The following SRSF6 variants were observed in gnomAD, a reference collection of about 807,000 sequenced individuals.
The protein encoded by SRSF6 is serine and arginine rich splicing factor 6.
In SRSF6, 17 loss-of-function variants were observed where a neutral mutation model predicts 42.0. The ratio of observed to expected loss-of-function variants is 0.40; its 90% confidence interval spans 0.28 to 0.61. SRSF6 has a LOEUF of 0.61. Ranked by LOEUF, SRSF6 falls within the 20% of genes least tolerant of loss-of-function variation. The pLI is 0.37. For synonymous variants in SRSF6, 204 were observed against 166.7 expected, an observed-to-expected ratio of 1.22 and a Z score of -1.72; for missense variants, 379 against 471.4, an observed-to-expected ratio of 0.80 and a Z score of 1.81.
intron 3 of SRSF6, 55 bp downstream of exon 3, chr20:43,459,950 C>T (rs1385993198): frequency 2.5e-6 from 4 of 1,602,274 alleles, no homozygotes; most frequent in Non-Finnish European, 3.4e-6. Flanking sequence ...AAAGTAAACT[C>T]CTTTTATATT....
intron 2 of SRSF6, among the ~76,000 whole-genome samples, chr20:43,458,848 G>A (rs1358378312): frequency 1.5e-5 from 2 of 135,956 alleles, no homozygotes; most frequent in South Asian, 2.4e-4. Context: ...TTAGTTAGAG[G>A]TTCGGGGGCA....
At chr20:43,458,551 G>GGGGGCGGGGGTGGGT in intron 2 of SRSF6, 42 bp downstream of exon 2, 2 of 1,445,466 alleles carry the variant, frequency 1.4e-6, no homozygotes, top group Non-Finnish European at 1.8e-6. Flanking sequence ...TGGGGACCCT[G>GGGGGCGGGGGTGGGT]GGGGCGGGGG....
rs913547815 is a variant in SRSF6, at chr20:43,460,960, A to G, written c.932A>G (p.Lys311Arg). 5 of 1,614,032 alleles carry G rather than the reference A, an allele frequency of 3.1e-6. No homozygotes were observed. Among genetic ancestry groups the G allele is most frequent in the Non-Finnish European group, 4.2e-6 (5 of 1,180,028 alleles). The change falls in exon 6 of 6, where the codon AAG becomes AGG. Residue 311 changes from lysine to arginine, a missense_variant. This residue lies in a region of SRSF6 where 219 missense variants were observed against 216.1 expected (regional missense o/e 1.01). Transcript: ENST00000244020. ...SNSPLPVPPSKARSVSPPPKR... is the reference protein window; with the variant it reads ...SNSPLPVPPSRARSVSPPPKR... ...TCGCCGCTACCTGTTCCACCCTCAA[A>G]GGCCCGTTCTGTGTCCCCTCCACCA...
intron 2 of SRSF6, chr20:43,459,036 G>A: frequency 3.5e-6 from 3 of 853,860 alleles, no homozygotes; most frequent in Non-Finnish European, 5.0e-6. Context: ...AACTAATTGG[G>A]GCATGTTATT....
intron 1 of SRSF6, 102 bp from the exon 2 acceptor site, chr20:43,458,259 G>T (rs979055382): frequency 4.5e-5 from 63 of 1,400,802 alleles, no homozygotes; most frequent in Non-Finnish European, 4.8e-5. Flanking sequence ...AGATGGCGAC[G>T]GCGCGGCGTC....
At chr20:43,458,221 GC>G in intron 1 of SRSF6, 81 bp downstream of exon 1, 1 of 1,474,596 alleles carries the variant, frequency 6.8e-7, no homozygotes, top group Non-Finnish European at 9.1e-7. Context: ...AGCGGCCAAG[GC>G]CGCGGCGCCG....
At position 43,464,016 on chromosome 20, in the gene SRSF6, T is replaced by C. The variant is rs1173984339; in HGVS notation, c.*2953T>C. The stretch of plus-strand genomic sequence containing the variant: ...TTCTATGATCATATAAAAATGCCTT[T>C]TTAGGTTTTCAGTGTTCATGCCCTG... On this transcript the variant is annotated 3_prime_UTR_variant, in exon 6 of 6. Coordinates refer to ENST00000244020, the MANE Select transcript of SRSF6 (RefSeq NM_006275.6). 1.3e-5 allele frequency: 2 copies of C among 152,236 alleles called. No individual in the cohort carries two copies. The highest frequency in any genetic ancestry group is 2.4e-5 in the African/African-American group (1 of 41,466). 9.4% of individuals were successfully genotyped at this position (152,236 alleles called of 1,614,324 possible).
rs1394296154 is a variant in SRSF6, at chr20:43,460,967, T to C, written c.939T>C (p.Arg313=). ...TACCTGTTCCACCCTCAAAGGCCCG[T>C]TCTGTGTCCCCTCCACCAAAAAGAG... The part of the protein sequence containing the change: ...SPLPVPPSKA[R]SVSPPPKRAT... The change falls in exon 6 of 6, where the codon CGT becomes CGC. Residue 313 remains arginine (R), a synonymous_variant. Transcript: ENST00000244020. 1 of 1,614,162 alleles carries C rather than the reference T, an allele frequency of 6.2e-7. No homozygotes were observed. Among genetic ancestry groups the C allele is most frequent in the South Asian group, 1.1e-5 (1 of 91,084 alleles).
chr20:43,460,438 T>A (rs1477424834), intron 4 of SRSF6, 77 bp from the exon 5 acceptor site: 2 of 1,422,152 alleles, frequency 1.4e-6, no homozygotes, highest in Admixed American at 3.7e-5. Context: ...ATTCTTTGGC[T>A]TATCTATTTT....
chr20:43,463,743 C>T lies in SRSF6; in HGVS notation c.*2680C>T, dbSNP rs914485687. ...GATCTTGTGTTCACTTACCCAGAAA[C>T]GTGAGTTTGGGATTTAGTATATGGT... On this transcript the variant is annotated 3_prime_UTR_variant, in exon 6 of 6. Transcript: ENST00000244020. 6.6e-6 allele frequency: 1 copy of T among 152,190 alleles called. No individual in the cohort carries two copies. Among genetic ancestry groups the T allele is most frequent in the Non-Finnish European group, 1.5e-5 (1 of 68,026 alleles). 9.4% of individuals were successfully genotyped at this position (152,190 alleles called of 1,614,324 possible).
At chr20:43,460,341 C>A in intron 4 of SRSF6, 100 bp downstream of exon 4, 1 of 1,434,306 alleles carries the variant, frequency 7.0e-7, no homozygotes, top group Non-Finnish European at 9.6e-7. Context: ...TTAAAGCCAG[C>A]TTTTAGTTTG....
Position 43,460,107 on chromosome 20 carries a change from G to A in SRSF6, c.456G>A (p.Glu152=). 6.2e-7 allele frequency: 1 copy of A among 1,614,204 alleles called. No homozygotes were observed. The highest frequency in any genetic ancestry group is 1.1e-5 in the South Asian group (1 of 91,088). Residue 152 remains glutamate (E), a synonymous_variant, in exon 4 of 6, where the codon GAG becomes GAA. Coordinates refer to ENST00000244020, the MANE Select transcript of SRSF6 (RefSeq NM_006275.6). The part of the protein sequence containing the change: ...HKERTNEGVI[E]FRSYSDMKRA... ...AACGAACAAATGAGGGTGTAATTGAGTTTCGCTCCTACTCTGACATGAAGC... is the reference window on the plus strand; with the variant it reads ...AACGAACAAATGAGGGTGTAATTGAATTTCGCTCCTACTCTGACATGAAGC...
chr20:43,464,203 C>G lies in SRSF6; in HGVS notation c.*3140C>G, dbSNP rs1380950976. On this transcript the variant is annotated 3_prime_UTR_variant, in exon 6 of 6. Coordinates refer to ENST00000244020, the MANE Select transcript of SRSF6 (RefSeq NM_006275.6). ...TCAGCATGAATTTAAAAATTACTTT[C>G]AAGATTCAACATTACACAATAAAAC... 6.6e-6 allele frequency: 1 copy of G among 152,144 alleles called. No homozygotes were observed. The highest frequency in any genetic ancestry group is 2.4e-5 in the African/African-American group (1 of 41,440). The allele number at this position is 152,144 out of a possible 1,614,324, so 9.4% of individuals were successfully genotyped here. A position where few individuals can be genotyped will look rare whatever the true frequency, so the allele number is the denominator to read the frequency against.
Position 43,461,276 on chromosome 20 carries a change from C to T in SRSF6, c.*213C>T, listed in dbSNP as rs966604497. ...TCCCTTCTTTGTAGAATTAAGATAACTTTGATTTTATAGCTTTTGAGCTAA... is the reference window on the plus strand; with the variant it reads ...TCCCTTCTTTGTAGAATTAAGATAATTTTGATTTTATAGCTTTTGAGCTAA... On this transcript the variant is annotated 3_prime_UTR_variant, in exon 6 of 6. Coordinates refer to ENST00000244020, the MANE Select transcript of SRSF6 (RefSeq NM_006275.6). 1.5e-5 allele frequency: 5 copies of T among 335,146 alleles called. No individual in the cohort carries two copies. Among genetic ancestry groups the T allele is most frequent in the Non-Finnish European group, 2.2e-5 (5 of 223,048 alleles). The allele number at this position is 335,146 out of a possible 1,614,324, so 20.8% of individuals were successfully genotyped here.
intron 1 of SRSF6, 109 bp downstream of exon 1, chr20:43,458,249 A>G (rs767359031): frequency 1.4e-6 from 2 of 1,415,160 alleles, no homozygotes; most frequent in Admixed American, 3.3e-5. Context: ...AGGGCCTCAA[A>G]GATGGCGACG....
At position 43,463,119 on chromosome 20, in the gene SRSF6, A is replaced by C; in HGVS notation, c.*2056A>C. On this transcript the variant is annotated 3_prime_UTR_variant, in exon 6 of 6. Transcript: ENST00000244020. Reference sequence around the variant, plus strand: ...CTTGTTAATAGGACATCATATGGTAATAGACTGGTTTGACTATATTGTTAG... The same window carrying C: ...CTTGTTAATAGGACATCATATGGTACTAGACTGGTTTGACTATATTGTTAG... 1 of 152,860 alleles carries C rather than the reference A, an allele frequency of 6.5e-6. No individual in the cohort carries two copies. The allele number at this position is 152,860 out of a possible 1,614,324, so 9.5% of individuals were successfully genotyped here.
Position 43,462,850 on chromosome 20 carries a change from A to T in SRSF6, c.*1787A>T, listed in dbSNP as rs1415454419. On this transcript the variant is annotated 3_prime_UTR_variant, in exon 6 of 6. Transcript: ENST00000244020. The stretch of plus-strand genomic sequence containing the variant: ...TAGATGTTTATAAAGAAATGGGTTT[A>T]TTTTTCCAGCATAAACCTCAGAATT... 2.0e-5 allele frequency: 3 copies of T among 152,540 alleles called. No individual in the cohort carries two copies. The highest frequency in any genetic ancestry group is 7.2e-5 in the African/African-American group (3 of 41,426). The allele number at this position is 152,540 out of a possible 1,614,324, so 9.4% of individuals were successfully genotyped here.
Position 43,461,989 on chromosome 20 carries a change from T to G in SRSF6, c.*926T>G, listed in dbSNP as rs2017608969. 6.6e-6 allele frequency: 1 copy of G among 152,218 alleles called. No homozygotes were observed. Among genetic ancestry groups the G allele is most frequent in the African/African-American group, 2.4e-5 (1 of 41,468 alleles). The allele number at this position is 152,218 out of a possible 1,614,324, so 9.4% of individuals were successfully genotyped here. A position where few individuals can be genotyped will look rare whatever the true frequency, so the allele number is the denominator to read the frequency against. ...AAATGGAAGTAGCCTCTTTTTGTTC[T>G]GAAATTGAGTTTATTCAAAGTGTAA... On this transcript the variant is annotated 3_prime_UTR_variant, in exon 6 of 6. Transcript: ENST00000244020.
At chr20:43,460,620 C>T (rs542038867) in intron 5 of SRSF6, 22 bp downstream of exon 5, 1 of 1,613,894 alleles carries the variant, frequency 6.2e-7, no homozygotes, top group Non-Finnish European at 8.5e-7. Context: ...TGTGTTGAGT[C>T]ACTGTGAATA....
Sources: allele counts gnomAD v4.1 joint callset (sites outside exome capture counted in the v4.1 genomes callset), GRCh38; gene constraint gnomAD v4.1.1; regional missense constraint gnomAD v4.1.1; transcripts MANE v1.5; gene names NCBI Gene and HGNC (gene_info 2026-07-23, HGNC 2026-07-21).